The following EIF2S3B variants were observed in gnomAD, a reference collection of about 807,000 sequenced individuals.
EIF2S3B encodes the protein eukaryotic translation initiation factor 2 subunit gamma B, also known as eukaryotic translation initiation factor 2 subunit 3B.
EIF2S3B carries 16 observed loss-of-function variants against 26.4 expected under a neutral mutation model. The observed-to-expected ratio is 0.61, with a 90% CI of 0.41 to 0.92. EIF2S3B has a LOEUF of 0.92. Among genes scored for constraint, EIF2S3B ranks in the 40% least tolerant of loss-of-function variants. The pLI is 0.00. For missense variants in EIF2S3B, 510 were observed against 575.5 expected, an observed-to-expected ratio of 0.89 and a Z score of 1.16; for synonymous variants, 183 against 204.4, an observed-to-expected ratio of 0.90 and a Z score of 0.89.
intron 1 of EIF2S3B, among the ~76,000 whole-genome samples, chr12:10,518,630 C>A (rs1355466820): frequency 6.6e-6 from 1 of 152,086 alleles, no homozygotes; most frequent in Non-Finnish European, 1.5e-5. Context: ...AGCCCAAAAT[C>A]TCCTTAAGCT....
Position 10,506,514 on chromosome 12 carries a change from C to G in EIF2S3B, c.612C>G (p.Tyr204Ter). Reference protein sequence around the residue: ...LVKERQAKEQYEQILAFVQGT... With the variant: ...LVKERQAKEQ ...AAGAAAGGCAGGCTAAAGAACAATA[C>G]GAGCAGATCCTTGCGTTTGTCCAAG... The change falls in exon 1 of 1, where the codon TAC becomes TAG. Residue 204 changes from tyrosine to a stop codon, truncating the protein, a stop_gained. Transcript: ENST00000538173. LOFTEE classifies it high-confidence loss of function. 6.3e-7 allele frequency: 1 copy of G among 1,596,334 alleles called. No individual in the cohort carries two copies. Among genetic ancestry groups the G allele is most frequent in the African/African-American group, 1.3e-5 (1 of 74,670 alleles).
chr12:10,522,915 ATGC>A, exon 2 of EIF2S3B: 1 of 343,948 alleles, frequency 2.9e-6, no homozygotes, highest in Non-Finnish European at 5.3e-6. Context: ...TCTTGAAATG[ATGC>A]TGCTTTCATC....
intron 1 of EIF2S3B, among the ~76,000 whole-genome samples, chr12:10,520,600 T>A (rs1186322734): frequency 6.6e-6 from 1 of 152,138 alleles, no homozygotes; most frequent in African/African-American, 2.4e-5. Context: ...TACTTGACAA[T>A]ATATTTTCAG....
downstream of EIF2S3B, among the ~76,000 whole-genome samples, chr12:10,509,067 G>A (rs569757381): frequency 2.0e-5 from 3 of 152,128 alleles, no homozygotes; most frequent in East Asian, 5.8e-4. Context: ...CTTGCAGTGG[G>A]CAGCCTGTCT....
intron 1 of EIF2S3B, among the ~76,000 whole-genome samples, chr12:10,515,772 A>C (rs919694895): frequency 1.1e-4 from 16 of 151,888 alleles, no homozygotes; most frequent in African/African-American, 3.9e-4. Flanking sequence ...GTGTTATTTT[A>C]TATATAATAT....
At chr12:10,520,933 T>C (rs939371114) in intron 1 of EIF2S3B, among the ~76,000 whole-genome samples, 2 of 152,210 alleles carry the variant, frequency 1.3e-5, no homozygotes, top group Non-Finnish European at 2.9e-5. Flanking sequence ...TGTGATGTTT[T>C]AGAACAGAGA....
chr12:10,519,750 C>A (rs1166731769), intron 1 of EIF2S3B, among the ~76,000 whole-genome samples: 1,691 of 151,686 alleles, frequency 0.011, 27 homozygotes, highest in African/African-American at 0.039. Context: ...CCAAAAAACA[C>A]ATGAAAAAAT....
In EIF2S3B at chr12:10,506,203, T is replaced by C; in HGVS notation, c.301T>C (p.Cys101Arg). The change falls in exon 1 of 1, where the codon TGT becomes CGT. Residue 101 changes from cysteine (C) to arginine (R), a missense_variant. Physicochemically the swap from Cys to Arg is radical, Grantham distance 180. Coordinates refer to ENST00000538173, the MANE Select transcript of EIF2S3B (RefSeq NM_001357734.3). The part of the protein sequence containing the change: ...LDDPSCPRPE[C>R]YRSCGSSMPD... ...TGACCCAAGTTGCCCTCGGCCAGAA[T>C]GTTATCGATCTTGTGGGAGCAGTAT... The C allele has an allele frequency of 6.3e-7, 1 of 1,588,290 alleles. No individual in the cohort carries two copies. Among genetic ancestry groups the C allele is most frequent in the East Asian group, 2.2e-5 (1 of 44,758 alleles).
chr12:10,513,284 G>A (rs1297880550), downstream of EIF2S3B, among the ~76,000 whole-genome samples: 1 of 152,182 alleles, frequency 6.6e-6, no homozygotes, highest in East Asian at 1.9e-4. Flanking sequence ...AATCAAGGAG[G>A]TGAAGTAGAT....
At chr12:10,519,976 G>C (rs1010926796) in intron 1 of EIF2S3B, among the ~76,000 whole-genome samples, 1 of 151,948 alleles carries the variant, frequency 6.6e-6, no homozygotes, top group Non-Finnish European at 1.5e-5. Flanking sequence ...TCTAGAACTA[G>C]AAATACCATT....
At chr12:10,510,317 CCAAA>C (rs1338619700), downstream of EIF2S3B, among the ~76,000 whole-genome samples, 1 of 151,972 alleles carries the variant, frequency 6.6e-6, no homozygotes, top group African/African-American at 2.4e-5. Context: ...AGAGGAAAGC[CCAAA>C]CAATTATCCT....
downstream of EIF2S3B, among the ~76,000 whole-genome samples, chr12:10,510,928 C>T (rs1864698415): frequency 6.6e-6 from 1 of 152,046 alleles, no homozygotes; most frequent in South Asian, 2.1e-4. Flanking sequence ...AATTTACTTA[C>T]ACAAGGAAGT....
exon 2 of EIF2S3B, chr12:10,522,936 CACAA>C (rs901146174): frequency 2.0e-4 from 58 of 294,962 alleles, no homozygotes; most frequent in Non-Finnish European, 2.7e-4. Flanking sequence ...ATCTGAAATA[CACAA>C]ACAAATAAAA....
At chr12:10,516,821 G>T (rs1274025709) in intron 1 of EIF2S3B, among the ~76,000 whole-genome samples, 1 of 152,148 alleles carries the variant, frequency 6.6e-6, no homozygotes, top group African/African-American at 2.4e-5. Context: ...TTAGCATGAA[G>T]AGTTGCTGAA....
Position 10,507,724 on chromosome 12 carries a change from C to A in EIF2S3B, c.*403C>A, listed in dbSNP as rs1273816019. Among the ~76,000 whole-genome samples the A allele has an allele frequency of 2.6e-5, 4 of 152,154 alleles. No individual in the cohort carries two copies. The highest frequency in any genetic ancestry group is 2.9e-5 in the Non-Finnish European group (2 of 68,018). On this transcript the variant is annotated 3_prime_UTR_variant, in exon 1 of 1. Transcript: ENST00000538173. ...TCTCCTGCCTCAGCCCCCCAAGTAG[C>A]TGAGATTACAGGTGTGTGCCACCAC... is the stretch of plus-strand genomic sequence containing the variant.
downstream of EIF2S3B, among the ~76,000 whole-genome samples, chr12:10,511,314 A>T (rs1218440171): frequency 6.6e-6 from 1 of 151,970 alleles, no homozygotes; most frequent in African/African-American, 2.4e-5. Flanking sequence ...TTTCATTATC[A>T]TCATTTACTG....
rs1864635038 is a variant in EIF2S3B at position 10,506,658 on chromosome 12, A to G, written c.756A>G (p.Ser252=). The G allele has an allele frequency of 6.2e-7, 1 of 1,613,936 alleles. No individual in the cohort carries two copies. The highest frequency in any genetic ancestry group is 2.2e-5 in the East Asian group (1 of 44,880). The part of the protein sequence containing the change: ...KIPVPPRDFT[S]EPRLIVIRSF... ...CAGTACCCCCAAGAGACTTTACTTC[A>G]GAGCCCCGGCTTATTGTTATTAGAT... is the stretch of plus-strand genomic sequence containing the variant. The change falls in exon 1 of 1, where the codon TCA becomes TCG. Residue 252 remains serine, a synonymous_variant. Coordinates refer to ENST00000538173, the MANE Select transcript of EIF2S3B (RefSeq NM_001357734.3).
intron 1 of EIF2S3B, among the ~76,000 whole-genome samples, chr12:10,520,746 C>T (rs544726614): frequency 4.9e-4 from 74 of 152,150 alleles, no homozygotes; most frequent in African/African-American, 1.6e-3. Context: ...GGGCTGCAGT[C>T]AAAGAACACA....
Position 10,506,095 on chromosome 12 carries a change from C to T in EIF2S3B, c.193C>T (p.His65Tyr), listed in dbSNP as rs768997102. The change falls in exon 1 of 1, where the codon CAC becomes TAC. Residue 65 changes from histidine to tyrosine, a missense_variant. His to Tyr is a moderately conservative substitution (Grantham distance 83, BLOSUM62 2). Transcript: ENST00000538173. ...AGTCGTCAAAGCTATTTCTGGAGTT[C>T]ACACCGTCAGGTTCAAAAATGAACT... ...STVVKAISGV[H>Y]TVRFKNELER... 1.3e-6 allele frequency: 2 copies of T among 1,596,394 alleles called. No homozygotes were observed. Among genetic ancestry groups the T allele is most frequent in the Non-Finnish European group, 1.7e-6 (2 of 1,163,890 alleles).
Sources: gnomAD v4.1 joint callset for allele counts (sites outside exome capture counted in the v4.1 genomes callset) on GRCh38, gnomAD v4.1.1 for gene constraint, MANE v1.5 for transcripts, NCBI Gene and HGNC (gene_info 2026-07-23, HGNC 2026-07-21) for gene names.